Variants in RPS6KA2 observed in about 807,000 individuals in gnomAD.
RPS6KA2 encodes ribosomal protein S6 kinase alpha-2.
Under a neutral mutation model 91.8 loss-of-function variants are expected in RPS6KA2, and 42 were observed. The observed-to-expected ratio is 0.46, with a 90% confidence interval of 0.36 to 0.59. The LOEUF (loss-of-function observed/expected upper bound fraction) is 0.59. Among genes scored for constraint, RPS6KA2 ranks in the 20% least tolerant of loss-of-function variants. The pLI is 0.00. For missense variants in RPS6KA2, 798 were observed against 978.5 expected (o/e 0.82, Z 2.46); for synonymous variants, 414 against 393.6 (o/e 1.05, Z -0.61).
Position 166,473,183 on chromosome 6 carries a change from G to C in RPS6KA2, c.908-3278C>G, listed in dbSNP as rs927435054. On this transcript the variant is annotated intron_variant, in intron 10 of 20. Transcript: ENST00000265678. ...ATCAATGACTAAAGTGCAGTGCAGT[G>C]CCTGTGAATGGATTTTTTTTTTTAT... 2.1e-5 allele frequency among the ~76,000 whole-genome samples: 3 copies of C among 146,182 alleles called. 1 individual carries two copies. In the South Asian group the frequency reaches 6.5e-4, roughly 32 times the overall value.
intron 5 of RPS6KA2, among the ~76,000 whole-genome samples, chr6:166,505,803 G>T (rs755799051): frequency 6.6e-6 from 1 of 152,212 alleles, no homozygotes; most frequent in Non-Finnish European, 1.5e-5. Context: ...TTTCCCGGAT[G>T]TATGTTTCTT....
chr6:166,465,083 T>C (rs950945555), intron 11 of RPS6KA2, among the ~76,000 whole-genome samples: 2 of 152,218 alleles, frequency 1.3e-5, no homozygotes, highest in Non-Finnish European at 2.9e-5. Context: ...CCTAATATTT[T>C]CCCAGTTGGA....
chr6:166,679,623 A>T (rs1583012235), intron 2 of RPS6KA2, among the ~76,000 whole-genome samples: 1 of 152,136 alleles, frequency 6.6e-6, no homozygotes, highest in Admixed American at 6.5e-5. Flanking sequence ...CGCTCTCGGC[A>T]CCTCCTCAAC....
At chr6:166,497,919 C>T (rs945711637) in intron 8 of RPS6KA2, among the ~76,000 whole-genome samples, 21 of 152,218 alleles carry the variant, frequency 1.4e-4, no homozygotes, top group Admixed American at 1.2e-3. Flanking sequence ...ACTCACTGCA[C>T]GCCTGCTCCA....
At chr6:166,701,532 G>T in intron 2 of RPS6KA2, 1 of 1,442,928 alleles carries the variant, frequency 6.9e-7, no homozygotes, top group Non-Finnish European at 9.7e-7. Context: ...CTCCAGCAAA[G>T]CGAGAAAGCT....
intron 1 of RPS6KA2, among the ~76,000 whole-genome samples, chr6:166,569,115 A>C (rs1428374601): frequency 6.6e-6 from 1 of 152,256 alleles, no homozygotes; most frequent in Admixed American, 6.5e-5. Context: ...GTTTACTCTA[A>C]GTTAATGGGT....
At position 166,538,763 on chromosome 6, in the gene RPS6KA2, T is replaced by C; in HGVS notation, c.121A>G (p.Ile41Val). The C allele has an allele frequency of 3.1e-6, 5 of 1,604,316 alleles. No homozygotes were observed. Among genetic ancestry groups the C allele is most frequent in the Non-Finnish European group, 4.3e-6 (5 of 1,171,320 alleles). Residue 41 changes from isoleucine (I) to valine (V), a missense_variant, in exon 2 of 21, where the codon ATA becomes GTA. Coordinates refer to ENST00000265678, the MANE Select transcript of RPS6KA2 (RefSeq NM_021135.6). ...RLEEEGVVKE[I>V]DISHHVKEGF... ...TCCTTCACATGATGGCTGATGTCTATCTCCTTCACGACGCCTTCTTCCTGC... is the reference window on the plus strand; with the variant it reads ...TCCTTCACATGATGGCTGATGTCTACCTCCTTCACGACGCCTTCTTCCTGC...
chr6:166,669,615 G>A (rs1323876341), intron 2 of RPS6KA2, among the ~76,000 whole-genome samples: 2 of 152,136 alleles, frequency 1.3e-5, no homozygotes, highest in African/African-American at 2.4e-5. Flanking sequence ...TCCAAGTCTC[G>A]CTGCCTTCTG....
At chr6:166,680,813 T>G (rs1437780647) in intron 2 of RPS6KA2, among the ~76,000 whole-genome samples, 1 of 152,156 alleles carries the variant, frequency 6.6e-6, no homozygotes, top group Non-Finnish European at 1.5e-5. Context: ...ATTCTTGAAG[T>G]CAGGGAGACC....
chr6:166,563,893 G>A lies in RPS6KA2; in HGVS notation c.100-25109C>T, dbSNP rs976332620. On this transcript the variant is annotated intron_variant, in intron 1 of 20. Transcript: ENST00000265678. This position sits in a 1 kb window ranked among gnomAD's most constrained non-coding sequence, Gnocchi z 4.1. ...TGAGCTTTACCTATTTGTAAATTAC[G>A]GGCTTTCAACACGCAGCTGGACGTG... 1.3e-5 allele frequency among the ~76,000 whole-genome samples: 2 copies of A among 152,026 alleles called. No homozygotes were observed. The highest frequency in any genetic ancestry group is 6.5e-5 in the Admixed American group (1 of 15,278).
intron 1 of RPS6KA2, among the ~76,000 whole-genome samples, chr6:166,587,789 C>A (rs1785230415): frequency 6.6e-6 from 1 of 152,158 alleles, no homozygotes. Context: ...TCTGGCCTCA[C>A]TAGCACAGTG....
chr6:166,446,656 T>C (rs1005874999), intron 14 of RPS6KA2, among the ~76,000 whole-genome samples: 1 of 152,142 alleles, frequency 6.6e-6, no homozygotes, highest in Non-Finnish European at 1.5e-5. Context: ...GAGCTGGATA[T>C]GGGAATATTA....
intron 14 of RPS6KA2, among the ~76,000 whole-genome samples, chr6:166,436,772 C>T (rs1425224229): frequency 6.6e-6 from 1 of 152,194 alleles, no homozygotes; most frequent in African/African-American, 2.4e-5. Context: ...AAGGGAAGTC[C>T]CACAGACTGG....
At chr6:166,614,602 C>T (rs182639048) in intron 1 of RPS6KA2, among the ~76,000 whole-genome samples, 91 of 152,374 alleles carry the variant, frequency 6.0e-4, no homozygotes, top group Non-Finnish European at 1.1e-3. Flanking sequence ...GTGACAAATT[C>T]CACAAATTCA....
intron 14 of RPS6KA2, among the ~76,000 whole-genome samples, chr6:166,439,406 C>A (rs1296065294): frequency 6.6e-6 from 1 of 152,196 alleles, no homozygotes; most frequent in Non-Finnish European, 1.5e-5. Flanking sequence ...CCGTGCCCGG[C>A]CATATATTTT....
At chr6:166,621,749 G>C (rs950061420) in intron 1 of RPS6KA2, among the ~76,000 whole-genome samples, 1 of 152,068 alleles carries the variant, frequency 6.6e-6, no homozygotes, top group African/African-American at 2.4e-5. Flanking sequence ...AACTCATCCT[G>C]GTCCCCCATA....
chr6:166,438,891 G>A (rs767474606), intron 14 of RPS6KA2, among the ~76,000 whole-genome samples: 6 of 152,214 alleles, frequency 3.9e-5, no homozygotes, highest in Middle Eastern at 6.8e-3. Flanking sequence ...CTTGCCCTGC[G>A]TCTGTTGCAG....
chr6:166,850,104 T>C (rs1780702423), intron 2 of RPS6KA2, among the ~76,000 whole-genome samples: 1 of 152,240 alleles, frequency 6.6e-6, no homozygotes, highest in Non-Finnish European at 1.5e-5. Context: ...TGGAAAAATA[T>C]GTCTTCATGA....
At chr6:166,810,418 C>T (rs781107587) in intron 2 of RPS6KA2, among the ~76,000 whole-genome samples, 7 of 151,892 alleles carry the variant, frequency 4.6e-5, no homozygotes, top group Admixed American at 6.6e-5. Flanking sequence ...CTCTTTGTGA[C>T]GGGAAAGTGA....
Sources: allele counts gnomAD v4.1 joint callset (sites outside exome capture counted in the v4.1 genomes callset), GRCh38; gene constraint gnomAD v4.1.1; non-coding constraint Gnocchi (gnomAD v3.1); transcripts MANE v1.5; gene names NCBI Gene and HGNC (gene_info 2026-07-23, HGNC 2026-07-21).